SMIM13: variants seen among roughly 807,000 people sequenced by gnomAD.
SMIM13 encodes small integral membrane protein 13, also known as UPF0766 protein C6orf228.
Under a neutral mutation model 5.9 loss-of-function variants are expected in SMIM13, and 3 were observed. The ratio of observed to expected loss-of-function variants is 0.51; its 90% CI spans 0.23 to 1.31. The LOEUF is 1.31. Among genes scored for constraint, SMIM13 ranks in the 40% most tolerant of loss-of-function variants. SMIM13 has a pLI of 0.18. For missense variants in SMIM13, 85 were observed against 109.9 expected, an observed-to-expected ratio of 0.77 and a Z score of 1.01; for synonymous variants, 55 against 46.0, an observed-to-expected ratio of 1.19 and a Z score of -0.79.
At chr6:11,123,792 A>G (rs1758340902) in intron 1 of SMIM13, among the ~76,000 whole-genome samples, 1 of 152,168 alleles carries the variant, frequency 6.6e-6, no homozygotes, top group South Asian at 2.1e-4. Context: ...CACCTCAAAC[A>G]TTTATCATTT....
intron 1 of SMIM13, chr6:11,104,671 G>C: frequency 6.2e-7 from 1 of 1,614,214 alleles, no homozygotes; most frequent in Non-Finnish European, 8.5e-7. Flanking sequence ...TGCAGACATT[G>C]GTTATAATCA....
intron 1 of SMIM13, among the ~76,000 whole-genome samples, chr6:11,097,941 G>A (rs977345170): frequency 6.6e-6 from 1 of 151,772 alleles, no homozygotes; most frequent in South Asian, 2.1e-4. Context: ...TCTGCTCCCT[G>A]CTCGCCGCCC....
At chr6:11,098,775 T>C (rs1241420712) in intron 1 of SMIM13, among the ~76,000 whole-genome samples, 1 of 152,218 alleles carries the variant, frequency 6.6e-6, no homozygotes, top group Non-Finnish European at 1.5e-5. Flanking sequence ...ATTTCCATGA[T>C]GTTCTTCCTA....
At chr6:11,133,742 T>G (rs1758481669) in intron 1 of SMIM13, among the ~76,000 whole-genome samples, 1 of 152,028 alleles carries the variant, frequency 6.6e-6, no homozygotes, top group African/African-American at 2.4e-5. Flanking sequence ...AAACTTGTTT[T>G]TTTTTTTTTG....
chr6:11,104,809 G>A, intron 1 of SMIM13: 16 of 1,614,194 alleles, frequency 9.9e-6, no homozygotes, highest in Non-Finnish European at 1.4e-5. Context: ...CTTGGTTGAT[G>A]GCGGAATTGG....
At chr6:11,095,140 G>A (rs76909708) in intron 1 of SMIM13, among the ~76,000 whole-genome samples, 3,076 of 152,236 alleles carry the variant, frequency 0.02, 44 homozygotes, top group South Asian at 0.049. Flanking sequence ...TAAAAAGTAC[G>A]TAGAACACGT....
At chr6:11,107,473 C>G (rs1758104027) in intron 1 of SMIM13, among the ~76,000 whole-genome samples, 1 of 152,234 alleles carries the variant, frequency 6.6e-6, no homozygotes. Context: ...CTGCAAATCT[C>G]TAGCCAGGGC....
intron 1 of SMIM13, among the ~76,000 whole-genome samples, chr6:11,126,555 T>A (rs1280489141): frequency 6.6e-6 from 1 of 152,220 alleles, no homozygotes. Context: ...TTAATTTTGT[T>A]GAGCCTCCTC....
In SMIM13 at chr6:11,136,287, C is replaced by T. The variant is rs1758516988; in HGVS notation, c.*1685C>T. ...TGCCAGGTTTCCGTGTTTGTCTCAA[C>T]TGAACTCTGGGCTGAGTGTTTACCA... On this transcript the variant is annotated 3_prime_UTR_variant, in exon 2 of 2. Transcript: ENST00000416247. 1 of 152,192 alleles carries T rather than the reference C, an allele frequency of 6.6e-6. No individual in the cohort carries two copies. Among genetic ancestry groups the T allele is most frequent in the African/African-American group, 2.4e-5 (1 of 41,424 alleles). 9.4% of individuals were successfully genotyped at this position (152,192 alleles called of 1,614,324 possible).
At position 11,121,567 on chromosome 6, in the gene SMIM13, C is replaced by T. The variant is rs527672777; in HGVS notation, c.77-12836C>T. ...TATTTATGGTTATACAGGTGCCTCT[C>T]CCCCTCCCAACACACACACCTGCAT... On this transcript the variant is annotated intron_variant, in intron 1 of 1. Transcript: ENST00000416247. Among the ~76,000 whole-genome samples, 4 of 152,256 alleles carry T rather than the reference C, an allele frequency of 2.6e-5. No homozygotes were observed. In the East Asian group the frequency reaches 7.7e-4, roughly 29 times the overall value.
chr6:11,104,636 C>T (rs559395063), intron 1 of SMIM13: 54 of 1,614,186 alleles, frequency 3.3e-5, no homozygotes, highest in South Asian at 1.5e-4. Context: ...GAACCCATTC[C>T]GCTGTAGAGC....
intron 1 of SMIM13, among the ~76,000 whole-genome samples, chr6:11,110,655 A>G (rs576211088): frequency 1.3e-5 from 2 of 152,326 alleles, no homozygotes; most frequent in Non-Finnish European, 2.9e-5. Flanking sequence ...AGGTAGAACA[A>G]TCCCTCTGCT....
Position 11,134,456 on chromosome 6 carries a change from C to CTGG in SMIM13, c.134_136dup (p.Val45dup). The CTGG allele has an allele frequency of 6.4e-7, 1 of 1,551,128 alleles. No individual in the cohort carries two copies. On this transcript the variant is annotated inframe_insertion, in exon 2 of 2. Transcript: ENST00000416247. ...ATCAAAATTCAAGTTTCTCCGGGAA[C>CTGG]TGGTGGGAGACACAGGATCCCAAGA...
chr6:11,103,457 C>A (rs13214911), intron 1 of SMIM13: 85,655 of 525,972 alleles, frequency 0.16, 8,024 homozygotes, highest in African/African-American at 0.29. Flanking sequence ...ACATTTCCCC[C>A]CCTCAAGAGT....
intron 1 of SMIM13, among the ~76,000 whole-genome samples, chr6:11,115,875 C>T (rs1387308213): frequency 1.3e-5 from 2 of 151,170 alleles, no homozygotes; most frequent in Non-Finnish European, 3.0e-5. Context: ...TTAGTAGAGA[C>T]AGGGTTTCTC....
At chr6:11,104,746 A>C (rs1758057720) in intron 1 of SMIM13, 1 of 1,614,202 alleles carries the variant, frequency 6.2e-7, no homozygotes, top group Non-Finnish European at 8.5e-7. Flanking sequence ...AACCGGCTGG[A>C]TTTATCTAGC....
At chr6:11,103,733 T>TG in intron 1 of SMIM13, 1 of 1,551,662 alleles carries the variant, frequency 6.4e-7, no homozygotes, top group Non-Finnish European at 8.7e-7. Context: ...GATGGCGTCC[T>TG]GCACTGAGAT....
At chr6:11,130,271 A>AAAC (rs1561760711) in intron 1 of SMIM13, among the ~76,000 whole-genome samples, 1 of 135,934 alleles carries the variant, frequency 7.4e-6, no homozygotes, top group African/African-American at 3.1e-5. Flanking sequence ...AAAAAAAAAC[A>AAAC]ACAACAACAA....
At chr6:11,121,109 T>C (rs1758302255) in intron 1 of SMIM13, among the ~76,000 whole-genome samples, 2 of 152,224 alleles carry the variant, frequency 1.3e-5, no homozygotes, top group Non-Finnish European at 2.9e-5. Context: ...CCTCTATTGC[T>C]GATTAGTTAT....
Sources: allele counts gnomAD v4.1 joint callset (sites outside exome capture counted in the v4.1 genomes callset), GRCh38; gene constraint gnomAD v4.1.1; transcripts MANE v1.5; gene names NCBI Gene and HGNC (gene_info 2026-07-23, HGNC 2026-07-21).